Variants in NEURL1 observed in about 807,000 individuals in gnomAD.
NEURL1 encodes E3 ubiquitin-protein ligase NEURL1.
NEURL1 carries 26 observed loss-of-function variants against 41.2 expected under a neutral mutation model. The ratio of observed to expected loss-of-function variants is 0.63; its 90% confidence interval spans 0.46 to 0.87. The LOEUF (loss-of-function observed/expected upper bound fraction) is 0.87. Among genes scored for constraint, NEURL1 ranks in the 40% least tolerant of loss-of-function variants. The pLI, the probability that NEURL1 is intolerant of heterozygous loss-of-function variation, is 0.00. For synonymous variants in NEURL1, 400 were observed against 402.3 expected (o/e 0.99, Z 0.07); for missense variants, 761 against 871.1 (o/e 0.87, Z 1.59).
chr10:103,521,787 AG>A (rs1273303675), intron 1 of NEURL1, among the ~76,000 whole-genome samples: 14 of 152,282 alleles, frequency 9.2e-5, no homozygotes, highest in Non-Finnish European at 4.4e-5. Context: ...ACTGGCCATA[AG>A]GGACAGAAGT....
chr10:103,568,782 T>C (rs752366554), intron 1 of NEURL1, among the ~76,000 whole-genome samples: 1 of 151,774 alleles, frequency 6.6e-6, no homozygotes, highest in African/African-American at 2.4e-5. Context: ...CATTCACTTA[T>C]CTGTTTTTGT....
intron 1 of NEURL1, among the ~76,000 whole-genome samples, chr10:103,567,356 G>A (rs1378239072): frequency 6.6e-6 from 1 of 151,834 alleles, no homozygotes; most frequent in African/African-American, 2.4e-5. Flanking sequence ...AATTTATCCA[G>A]CACACCAAAT....
At chr10:103,511,911 A>ATGG (rs2034080740) in intron 1 of NEURL1, 1 of 152,244 alleles carries the variant, frequency 6.6e-6, no homozygotes, top group Non-Finnish European at 1.5e-5. Flanking sequence ...GGGGAATTCA[A>ATGG]ACTTTTCTTC....
Position 103,591,576 on chromosome 10 carries a change from C to A in NEURL1, c.*1204C>A, listed in dbSNP as rs1257353692. ...CTCCAGCCACAAAGCTCATACCCAG[C>A]CCTACCAATCATGAACTGGAACTCC... is the stretch of plus-strand genomic sequence containing the variant. On this transcript the variant is annotated 3_prime_UTR_variant, in exon 6 of 6. Coordinates refer to ENST00000369780, the MANE Select transcript of NEURL1 (RefSeq NM_004210.5). 6.6e-6 allele frequency: 1 copy of A among 152,176 alleles called. No homozygotes were observed. The highest frequency in any genetic ancestry group is 2.4e-5 in the African/African-American group (1 of 41,414). 9.4% of individuals were successfully genotyped at this position (152,176 alleles called of 1,614,324 possible). A position where few individuals can be genotyped will look rare whatever the true frequency, so the allele number is the denominator to read the frequency against.
intron 1 of NEURL1, among the ~76,000 whole-genome samples, chr10:103,550,318 G>GGAT (rs2035009071): frequency 6.6e-6 from 1 of 152,190 alleles, no homozygotes; most frequent in Non-Finnish European, 1.5e-5. Context: ...ATAGTAGTGG[G>GGAT]GAGGGCCTTG....
rs1298521132 is a variant in NEURL1, at chr10:103,494,157, A to G, written c.-231A>G. The G allele has an allele frequency of 9.1e-4, 415 of 455,198 alleles. 3 individuals carry two copies. Among genetic ancestry groups the G allele is most frequent in the Non-Finnish European group, 1.7e-4 (45 of 257,890 alleles). The allele number at this position is 455,198 out of a possible 1,614,324, so 28.2% of individuals were successfully genotyped here. ...CCCCGCTCCCGCCACGGGGCATGGG[A>G]GGCAGGTAGCCCAGCCTGCGCCAGG... On this transcript the variant is annotated 5_prime_UTR_variant, in exon 1 of 6. Coordinates refer to ENST00000369780, the MANE Select transcript of NEURL1 (RefSeq NM_004210.5).
In NEURL1 at chr10:103,558,330, A is replaced by G. The variant is rs1391516660; in HGVS notation, c.86-12542A>G. On this transcript the variant is annotated intron_variant, in intron 1 of 5. Transcript: ENST00000369780. This position sits in a 1 kb window ranked among gnomAD's most constrained non-coding sequence, Gnocchi z 4.2. ...ATCTAATTGTGTGTTTTGTTTGTGGACGTGTTTTGGCTCTCTGAGCTTCTG... is the reference window on the plus strand; with the variant it reads ...ATCTAATTGTGTGTTTTGTTTGTGGGCGTGTTTTGGCTCTCTGAGCTTCTG... 2 of 892,082 alleles carry G rather than the reference A, an allele frequency of 2.2e-6. No homozygotes were observed. The highest frequency in any genetic ancestry group is 1.2e-4 in the East Asian group (1 of 8,352). 55.3% of individuals were successfully genotyped at this position (892,082 alleles called of 1,614,324 possible). A position where few individuals can be genotyped will look rare whatever the true frequency, so the allele number is the denominator to read the frequency against.
intron 1 of NEURL1, among the ~76,000 whole-genome samples, chr10:103,524,766 G>A (rs929465226): frequency 2.0e-5 from 3 of 152,000 alleles, no homozygotes; most frequent in Non-Finnish European, 2.9e-5. Flanking sequence ...AAATACATGG[G>A]TTTATGTCTG....
intron 1 of NEURL1, among the ~76,000 whole-genome samples, chr10:103,554,289 G>A (rs528353657): frequency 1.8e-4 from 27 of 152,314 alleles, no homozygotes; most frequent in Admixed American, 1.2e-3. Flanking sequence ...GGAAGCAGGC[G>A]TATGTTGACT....
chr10:103,564,533 G>A (rs2035376725), intron 1 of NEURL1, among the ~76,000 whole-genome samples: 1 of 152,174 alleles, frequency 6.6e-6, no homozygotes, highest in South Asian at 2.1e-4. Flanking sequence ...CTGCTGTCTT[G>A]GACTCGTGGG....
At chr10:103,518,245 C>A (rs1379327153) in intron 1 of NEURL1, among the ~76,000 whole-genome samples, 2 of 151,862 alleles carry the variant, frequency 1.3e-5, no homozygotes, top group African/African-American at 4.8e-5. Context: ...AAAAAAAAGT[C>A]TACTATATTA....
At chr10:103,525,303 A>G (rs1190262819) in intron 1 of NEURL1, among the ~76,000 whole-genome samples, 1 of 148,056 alleles carries the variant, frequency 6.8e-6, no homozygotes, top group Non-Finnish European at 1.5e-5. Flanking sequence ...GAATTCATTT[A>G]TTAGTTCTCA....
rs1160104166 is a variant in NEURL1, at chr10:103,545,177, T to C, written c.86-25695T>C. On this transcript the variant is annotated intron_variant, in intron 1 of 5. Coordinates refer to ENST00000369780, the MANE Select transcript of NEURL1 (RefSeq NM_004210.5). The surrounding 1 kb of genome is among the most constrained non-coding windows in gnomAD (Gnocchi z 4.5). ...ACAGCTAGGAGCTAGAGCGGTGGGT[T>C]TCTGTCATTGCAGTCACCCTGTGGT... 6.6e-6 allele frequency among the ~76,000 whole-genome samples: 1 copy of C among 152,170 alleles called. No individual in the cohort carries two copies. Among genetic ancestry groups the C allele is most frequent in the Non-Finnish European group, 1.5e-5 (1 of 68,020 alleles).
At chr10:103,496,376 A>T (rs2033685689) in intron 1 of NEURL1, among the ~76,000 whole-genome samples, 1 of 152,236 alleles carries the variant, frequency 6.6e-6, no homozygotes, top group South Asian at 2.1e-4. Flanking sequence ...CAGAATACAA[A>T]GTTGTGAAGA....
chr10:103,505,123 G>T (rs185999973), intron 1 of NEURL1, among the ~76,000 whole-genome samples: 27 of 149,432 alleles, frequency 1.8e-4, no homozygotes, highest in African/African-American at 6.4e-4. Flanking sequence ...TTGTGACCTT[G>T]GCTTGCTGCA....
intron 1 of NEURL1, among the ~76,000 whole-genome samples, chr10:103,509,562 G>C (rs1298162284): frequency 2.0e-5 from 3 of 152,204 alleles, no homozygotes; most frequent in Non-Finnish European, 4.4e-5. Context: ...ACATCACTGG[G>C]TGATAGGAAT....
At chr10:103,544,191 C>G (rs900230787) in intron 1 of NEURL1, among the ~76,000 whole-genome samples, 6 of 152,130 alleles carry the variant, frequency 3.9e-5, no homozygotes, top group Admixed American at 2.0e-4. Context: ...TTGAGAAGGA[C>G]ACGGTGACCT....
At chr10:103,575,240 T>C (rs1166569775) in intron 3 of NEURL1, among the ~76,000 whole-genome samples, 1 of 151,380 alleles carries the variant, frequency 6.6e-6, no homozygotes, top group African/African-American at 2.4e-5. Flanking sequence ...TCTCTCTCCC[T>C]TGACCTAGAT....
At chr10:103,513,221 C>G (rs1241779931) in intron 1 of NEURL1, among the ~76,000 whole-genome samples, 1 of 152,374 alleles carries the variant, frequency 6.6e-6, no homozygotes, top group East Asian at 1.9e-4. Flanking sequence ...CTCCCTTGCC[C>G]CAGTGCTCCA....
Sources: gnomAD v4.1 joint callset for allele counts (sites outside exome capture counted in the v4.1 genomes callset) on GRCh38, gnomAD v4.1.1 for gene constraint, Gnocchi (gnomAD v3.1) non-coding constraint, MANE v1.5 for transcripts, NCBI Gene and HGNC (gene_info 2026-07-23, HGNC 2026-07-21) for gene names.